GNG4: variants seen among roughly 807,000 people sequenced by gnomAD.
The protein encoded by GNG4 is G protein subunit gamma 4, also known as guanine nucleotide-binding protein G(I)/G(S)/G(O) subunit gamma-4.
GNG4 carries 4 observed loss-of-function variants against 5.8 expected under a neutral mutation model. The ratio of observed to expected loss-of-function variants is 0.69; its 90% confidence interval spans 0.34 to 1.57. GNG4 has a LOEUF of 1.57. GNG4 is among the 40% of genes most tolerant of loss of function. GNG4 has a pLI of 0.06. For missense variants in GNG4, 96 were observed against 95.1 expected (o/e 1.01, Z -0.04); for synonymous variants, 29 against 32.9 (o/e 0.88, Z 0.41).
chr1:235,569,015 T>C (rs1295516736), intron 3 of GNG4, among the ~76,000 whole-genome samples: 2 of 151,942 alleles, frequency 1.3e-5, no homozygotes, highest in African/African-American at 2.4e-5. Context: ...TTAGTAGAGA[T>C]GGAGTTTCAC....
At chr1:235,596,189 A>C in intron 1 of GNG4, among the ~76,000 whole-genome samples, 1 of 86,720 alleles carries the variant, frequency 1.2e-5, no homozygotes, top group Non-Finnish European at 2.3e-5. Flanking sequence ...CAAAAACAAA[A>C]CAAAAACAAA....
intron 3 of GNG4, among the ~76,000 whole-genome samples, chr1:235,554,875 C>T (rs1244367601): frequency 6.6e-6 from 1 of 150,524 alleles, no homozygotes; most frequent in Non-Finnish European, 1.5e-5. Flanking sequence ...AAGAACGTCT[C>T]GTCTGACTAT....
chr1:235,563,658 T>C (rs1687126253), intron 3 of GNG4, among the ~76,000 whole-genome samples: 3 of 151,992 alleles, frequency 2.0e-5, no homozygotes, highest in African/African-American at 7.3e-5. Flanking sequence ...GATCTGAAAA[T>C]GTTAAATACT....
intron 3 of GNG4, among the ~76,000 whole-genome samples, chr1:235,556,066 C>T (rs1686897765): frequency 6.6e-6 from 1 of 151,824 alleles, no homozygotes; most frequent in Non-Finnish European, 1.5e-5. Context: ...GGGGTTTCTC[C>T]ATGTTGGCCG....
At chr1:235,572,350 C>T (rs1336314455) in intron 3 of GNG4, among the ~76,000 whole-genome samples, 2 of 152,082 alleles carry the variant, frequency 1.3e-5, no homozygotes, top group Non-Finnish European at 2.9e-5. Flanking sequence ...CAGGCGCTCG[C>T]TACCACGCCT....
rs1003210648 is a variant in GNG4 at position 235,585,892 on chromosome 1, G to A, written c.-10-2044C>T. Reference sequence around the variant, plus strand: ...GTACTATTCTTAAGTAATAAATTAAGTCATTTAATGCTACCTTCATCTGGT... The same window carrying A: ...GTACTATTCTTAAGTAATAAATTAAATCATTTAATGCTACCTTCATCTGGT... On this transcript the variant is annotated intron_variant, in intron 2 of 3. Coordinates refer to ENST00000391854, the MANE Select transcript of GNG4 (RefSeq NM_001098722.2). Among the ~76,000 whole-genome samples, 3 of 152,108 alleles carry A rather than the reference G, an allele frequency of 2.0e-5. No individual in the cohort carries two copies. In the South Asian group the frequency reaches 6.2e-4, roughly 32 times the overall value.
chr1:235,603,805 C>T (rs10926216), intron 1 of GNG4, among the ~76,000 whole-genome samples: 30,568 of 152,046 alleles, frequency 0.2, 3,651 homozygotes, highest in Non-Finnish European at 0.27. Context: ...GTCCGAACGA[C>T]GCTGGGGCCT....
At position 235,549,039 on chromosome 1, in the gene GNG4, A is replaced by G. The variant is rs539073741; in HGVS notation, c.*3070T>C. On this transcript the variant is annotated 3_prime_UTR_variant, in exon 4 of 4. Transcript: ENST00000391854. The stretch of plus-strand genomic sequence containing the variant: ...GAAACTCCGTCTCTACTAAAAATAC[A>G]AAAATTAGCCGGGTGTGGTGGCGGG... 3 of 152,450 alleles carry G rather than the reference A, an allele frequency of 2.0e-5. No individual in the cohort carries two copies. Among genetic ancestry groups the G allele is most frequent in the African/African-American group, 4.8e-5 (2 of 41,570 alleles). The allele number at this position is 152,450 out of a possible 1,614,324, so 9.4% of individuals were successfully genotyped here.
upstream of GNG4, chr1:235,649,887 C>G (rs1038595912): frequency 1.0e-4 from 15 of 149,484 alleles, no homozygotes; most frequent in African/African-American, 3.7e-4. The surrounding 1 kb of genome is among the most constrained non-coding windows in gnomAD (Gnocchi z 5.7). Context: ...GGGGCGCAGG[C>G]GGACCCTCCC....
At chr1:235,558,246 A>G (rs1287042207) in intron 3 of GNG4, among the ~76,000 whole-genome samples, 1 of 152,198 alleles carries the variant, frequency 6.6e-6, no homozygotes, top group Non-Finnish European at 1.5e-5. Flanking sequence ...GAAATGTAAC[A>G]CTGTGAAGAA....
chr1:235,587,117 G>A (rs1687777042), intron 2 of GNG4, among the ~76,000 whole-genome samples: 1 of 151,636 alleles, frequency 6.6e-6, no homozygotes, highest in Admixed American at 6.6e-5. Flanking sequence ...GTGTGTGAGG[G>A]AGTCTGTGGT....
chr1:235,621,661 A>G (rs993884609), intron 1 of GNG4, among the ~76,000 whole-genome samples: 4 of 144,520 alleles, frequency 2.8e-5, no homozygotes, highest in Non-Finnish European at 4.6e-5. Flanking sequence ...CAGTTCTGCA[A>G]TTCCACTGCA....
At chr1:235,557,189 T>G (rs1686936931) in intron 3 of GNG4, among the ~76,000 whole-genome samples, 1 of 152,158 alleles carries the variant, frequency 6.6e-6, no homozygotes, top group Non-Finnish European at 1.5e-5. Context: ...ATCTATAATC[T>G]ACACTGTATA....
At chr1:235,559,540 G>C (rs111942446) in intron 3 of GNG4, among the ~76,000 whole-genome samples, 1 of 152,138 alleles carries the variant, frequency 6.6e-6, no homozygotes, top group African/African-American at 2.4e-5. Context: ...TAACTACTTC[G>C]TACTATTCCT....
At chr1:235,567,494 C>T (rs1174126284) in intron 3 of GNG4, among the ~76,000 whole-genome samples, 1 of 152,150 alleles carries the variant, frequency 6.6e-6, no homozygotes, top group African/African-American at 2.4e-5. Context: ...CCCTGGAGAA[C>T]ACCATTCTCC....
upstream of GNG4, among the ~76,000 whole-genome samples, chr1:235,650,261 G>GA: frequency 5.3e-5 from 1 of 18,952 alleles, no homozygotes; most frequent in Non-Finnish European, 1.2e-4. Flanking sequence ...GTAAATCACT[G>GA]GGGGGGGGTC....
chr1:235,613,119 G>A (rs1223134549), intron 1 of GNG4, among the ~76,000 whole-genome samples: 1 of 151,912 alleles, frequency 6.6e-6, no homozygotes, highest in Non-Finnish European at 1.5e-5. Context: ...GGAGGGGTGG[G>A]GGGGTCACAA....
At chr1:235,602,930 C>T (rs140387791) in intron 1 of GNG4, among the ~76,000 whole-genome samples, 105 of 152,216 alleles carry the variant, frequency 6.9e-4, no homozygotes, top group African/African-American at 2.4e-3. Flanking sequence ...ATAGAGGTCA[C>T]GTTCGCTTCC....
Position 235,649,774 on chromosome 1 carries a change from G to C in GNG4, c.-235C>G, listed in dbSNP as rs1657617217. On this transcript the variant is annotated 5_prime_UTR_variant, in exon 1 of 4. Transcript: ENST00000391854. This position sits in a 1 kb window ranked among gnomAD's most constrained non-coding sequence, Gnocchi z 5.7. ...GCGGGCCGGGCTCGGGTGCAAACGC[G>C]CGCCTCGTGCCCCTCCCGCCGCCCG... The C allele has an allele frequency of 6.7e-6, 1 of 150,240 alleles. No individual in the cohort carries two copies. The allele number at this position is 150,240 out of a possible 1,614,324, so 9.3% of individuals were successfully genotyped here. A position where few individuals can be genotyped will look rare whatever the true frequency, so the allele number is the denominator to read the frequency against.
Sources: gnomAD v4.1 joint callset for allele counts (sites outside exome capture counted in the v4.1 genomes callset) on GRCh38, gnomAD v4.1.1 for gene constraint, Gnocchi (gnomAD v3.1) non-coding constraint, MANE v1.5 for transcripts, NCBI Gene and HGNC (gene_info 2026-07-23, HGNC 2026-07-21) for gene names.